The following LIPN variants were observed in gnomAD, a reference collection of about 807,000 sequenced individuals.
LIPN encodes the protein lipase member N.
Under a neutral mutation model 43.7 loss-of-function variants are expected in LIPN, and 32 were observed. The ratio of observed to expected loss-of-function variants is 0.73; its 90% CI spans 0.55 to 0.98. The LOEUF is 0.98. Among genes scored for constraint, LIPN ranks in the 50% least tolerant of loss-of-function variants. LIPN has a pLI of 0.00. For missense variants in LIPN, 505 were observed against 483.8 expected (o/e 1.04, Z -0.41); for synonymous variants, 156 against 157.6 (o/e 0.99, Z 0.08).
intron 6 of LIPN, among the ~76,000 whole-genome samples, chr10:88,770,626 G>C (rs1285787773): frequency 1.3e-5 from 2 of 151,830 alleles, no homozygotes; most frequent in African/African-American, 4.8e-5. Context: ...AGTACAAATA[G>C]ATCCCCAAGC....
intron 3 of LIPN, among the ~76,000 whole-genome samples, chr10:88,763,572 C>T (rs183975847): frequency 6.6e-6 from 1 of 152,112 alleles, no homozygotes; most frequent in Non-Finnish European, 1.5e-5. Flanking sequence ...AAGGCACAAC[C>T]GGTTATGTTA....
intron 3 of LIPN, among the ~76,000 whole-genome samples, chr10:88,762,954 T>G (rs1843027777): frequency 6.6e-6 from 1 of 152,002 alleles, no homozygotes; most frequent in Non-Finnish European, 1.5e-5. Flanking sequence ...CTACAAATCC[T>G]CTGAAGTAGA....
At chr10:88,766,932 T>G (rs1843111682) in intron 5 of LIPN, among the ~76,000 whole-genome samples, 1 of 151,996 alleles carries the variant, frequency 6.6e-6, no homozygotes, top group African/African-American at 2.4e-5. Flanking sequence ...ATTTATGAAA[T>G]AGCAAGTAAA....
chr10:88,772,738 C>A (rs814629), intron 7 of LIPN, among the ~76,000 whole-genome samples: 1 of 151,010 alleles, frequency 6.6e-6, no homozygotes, highest in South Asian at 2.1e-4. Context: ...TTAGAAAAAC[C>A]TAAAGACTCC....
chr10:88,764,680 A>T, intron 4 of LIPN, 72 bp downstream of exon 4: 1 of 1,097,422 alleles, frequency 9.1e-7, no homozygotes, highest in Non-Finnish European at 1.3e-6. Context: ...GACGCTATTA[A>T]TGATTATCTT....
At chr10:88,767,875 T>C (rs958861036) in intron 5 of LIPN, among the ~76,000 whole-genome samples, 1 of 151,676 alleles carries the variant, frequency 6.6e-6, no homozygotes, top group Non-Finnish European at 1.5e-5. Context: ...CCCTCAAAAA[T>C]CTCACCTCCA....
chr10:88,759,285 T>C (rs1842964031), upstream of LIPN, among the ~76,000 whole-genome samples: 1 of 152,178 alleles, frequency 6.6e-6, no homozygotes, highest in South Asian at 2.1e-4. Context: ...GGGTAGCAAC[T>C]TAGTTTTCCC....
chr10:88,763,228 T>C (rs545984063), intron 3 of LIPN, among the ~76,000 whole-genome samples: 2 of 152,186 alleles, frequency 1.3e-5, no homozygotes, highest in East Asian at 1.9e-4. Context: ...TGTATAAGTC[T>C]CATTTTAAGA....
intron 7 of LIPN, among the ~76,000 whole-genome samples, chr10:88,772,868 A>AG (rs1554829018): frequency 1.4e-5 from 2 of 143,098 alleles, no homozygotes; most frequent in Non-Finnish European, 3.1e-5. Context: ...AAAAAAAGAA[A>AG]GAAAAAAAAA....
At position 88,770,789 on chromosome 10, in the gene LIPN, G is replaced by A; in HGVS notation, c.673-56G>A. 3 of 1,074,878 alleles carry A rather than the reference G, an allele frequency of 2.8e-6. No homozygotes were observed. The South Asian group carries it at 5.0e-5, about 18-fold the overall frequency. The allele number at this position is 1,074,878 out of a possible 1,614,324, so 66.6% of individuals were successfully genotyped here. On this transcript the variant is annotated intron_variant, in intron 6 of 9. Coordinates refer to ENST00000404459, the MANE Select transcript of LIPN (RefSeq NM_001102469.2). Reference sequence around the variant, plus strand: ...TCTGGTTACTAATCCCTTGTAATATGGATAGTCTGCAAATATTTTATCTCA... The same window carrying A: ...TCTGGTTACTAATCCCTTGTAATATAGATAGTCTGCAAATATTTTATCTCA...
chr10:88,767,321 G>A (rs1037309607), intron 5 of LIPN, among the ~76,000 whole-genome samples: 15 of 151,852 alleles, frequency 9.9e-5, no homozygotes, highest in Admixed American at 9.9e-4. Flanking sequence ...AAGTATCAAA[G>A]AACTCATAGG....
chr10:88,769,104 T>C (rs113359500), intron 6 of LIPN, among the ~76,000 whole-genome samples, 176 bp downstream of exon 6: 10 of 152,082 alleles, frequency 6.6e-5, no homozygotes, highest in African/African-American at 2.4e-4. Context: ...GTCTGTGCCA[T>C]AGTATCTGCA....
At chr10:88,774,653 T>C in intron 8 of LIPN, 109 bp downstream of exon 8, 1 of 865,348 alleles carries the variant, frequency 1.2e-6, no homozygotes, top group Non-Finnish European at 1.9e-6. Context: ...AGAGCTTGCT[T>C]CCAGTTTGTC....
At position 88,764,480 on chromosome 10, in the gene LIPN, T is replaced by G. The variant is rs430517; in HGVS notation, c.297T>G (p.Ala99=). 9.9e-6 allele frequency: 16 copies of G among 1,612,138 alleles called. No homozygotes were observed. Among genetic ancestry groups the G allele is most frequent in the Non-Finnish European group, 1.4e-5 (16 of 1,179,024 alleles). The part of the protein sequence containing the change: ...ADNAYWLENY[A]NGSLGFLLAD... ...ATGCCTACTGGCTTGAGAATTATGC[T>G]AATGGAAGCCTTGGATTCCTTCTAG... The change falls in exon 4 of 10, where the codon GCT becomes GCG. Residue 99 remains alanine, a synonymous_variant. Coordinates refer to ENST00000404459, the MANE Select transcript of LIPN (RefSeq NM_001102469.2).
intron 4 of LIPN, 84 bp from the exon 5 acceptor site, chr10:88,766,185 G>C (rs1843092945): frequency 8.4e-6 from 6 of 713,800 alleles, no homozygotes; most frequent in Non-Finnish European, 1.5e-5. Flanking sequence ...ATAGAATCTG[G>C]GTGTAAAAAA....
intron 8 of LIPN, among the ~76,000 whole-genome samples, chr10:88,774,802 A>G (rs149910000): frequency 6.6e-6 from 1 of 152,066 alleles, no homozygotes; most frequent in East Asian, 1.9e-4. Context: ...GCAAGAGGTA[A>G]ACTAGGGAAG....
intron 4 of LIPN, among the ~76,000 whole-genome samples, chr10:88,765,200 T>A (rs988799767): frequency 6.6e-6 from 1 of 151,984 alleles, no homozygotes; most frequent in African/African-American, 2.4e-5. Flanking sequence ...AAGAAGAATC[T>A]TTTTTGATAT....
At position 88,778,692 on chromosome 10, in the gene LIPN, C is replaced by T. The variant is rs997310816; in HGVS notation, c.*450C>T. On this transcript the variant is annotated 3_prime_UTR_variant, in exon 10 of 10. Transcript: ENST00000404459. ...TAACTTCTTTATAAAAGTTTCTTAGCTATCCTGAAGATGTATAGACATTTT... is the reference window on the plus strand; with the variant it reads ...TAACTTCTTTATAAAAGTTTCTTAGTTATCCTGAAGATGTATAGACATTTT... 1.3e-5 allele frequency among the ~76,000 whole-genome samples: 2 copies of T among 152,122 alleles called. No individual in the cohort carries two copies. Among genetic ancestry groups the T allele is most frequent in the Non-Finnish European group, 1.5e-5 (1 of 68,010 alleles).
intron 6 of LIPN, 40 bp downstream of exon 6, chr10:88,768,968 T>G: frequency 6.3e-7 from 1 of 1,577,876 alleles, no homozygotes; most frequent in Non-Finnish European, 8.7e-7. Flanking sequence ...GGATCTCATT[T>G]TGGATCATAA....
Sources: allele counts gnomAD v4.1 joint callset (sites outside exome capture counted in the v4.1 genomes callset), GRCh38; gene constraint gnomAD v4.1.1; transcripts MANE v1.5; gene names NCBI Gene and HGNC (gene_info 2026-07-23, HGNC 2026-07-21).